ETNPPL: variants seen among roughly 807,000 people sequenced by gnomAD.
ETNPPL encodes the protein ethanolamine-phosphate phospho-lyase.
ETNPPL carries 30 observed loss-of-function variants against 55.5 expected under a neutral mutation model. The observed-to-expected ratio is 0.54, with a 90% confidence interval of 0.40 to 0.73. The LOEUF is 0.73. Among genes scored for constraint, ETNPPL ranks in the 30% least tolerant of loss-of-function variants. The probability of loss-of-function intolerance (pLI) is 0.00; values close to 1 mark genes in which losing one functional copy is unlikely to be tolerated. For synonymous variants in ETNPPL, 202 were observed against 207.2 expected (o/e 0.98, Z 0.21); for missense variants, 528 against 607.9 (o/e 0.87, Z 1.38).
chr4:108,752,550 T>C (rs1286380409), intron 6 of ETNPPL, among the ~76,000 whole-genome samples: 1 of 152,192 alleles, frequency 6.6e-6, no homozygotes, highest in Non-Finnish European at 1.5e-5. Flanking sequence ...GAAATCTGCA[T>C]TGGTCCTCAG....
rs1728881502 is a variant in ETNPPL at position 108,750,938 on chromosome 4, T to C, written c.699A>G (p.Ala233=). The change falls in exon 7 of 13, where the codon GCA becomes GCG. Residue 233 remains alanine, a splice_region_variant and synonymous_variant. Transcript: ENST00000296486. ...IPPAGYFQKV[A]EYVHGAGGVF... ...GGAGGCCCAAGTCAAGTACATACTC[T>C]GCCACTTTCTGGAAGTAGCCTGCTG... 3 of 1,612,006 alleles carry C rather than the reference T, an allele frequency of 1.9e-6. No individual in the cohort carries two copies. The highest frequency in any genetic ancestry group is 1.3e-5 in the African/African-American group (1 of 74,980).
At chr4:108,756,658 T>C (rs974075868) in intron 3 of ETNPPL, among the ~76,000 whole-genome samples, 166 bp from the exon 4 acceptor site, 1 of 152,098 alleles carries the variant, frequency 6.6e-6, no homozygotes, top group Non-Finnish European at 1.5e-5. Context: ...GCAACCCGTC[T>C]CTACTAAAAT....
Position 108,750,621 on chromosome 4 carries a change from A to ATTT in ETNPPL, c.701+314_701+315insAAA, listed in dbSNP as rs1475157103. On this transcript the variant is annotated intron_variant, in intron 7 of 12. Transcript: ENST00000296486. The stretch of plus-strand genomic sequence containing the variant: ...CATATATGATATATATAGGATATAT[A>ATTT]TATATCCTATTAGTTTGGTCCCTCT... 2.6e-4 allele frequency among the ~76,000 whole-genome samples: 38 copies of ATTT among 148,210 alleles called. 1 individual carries two copies. The highest frequency in any genetic ancestry group is 1.1e-3 in the South Asian group (5 of 4,616).
intron 4 of ETNPPL, among the ~76,000 whole-genome samples, chr4:108,755,273 C>T (rs1269559156): frequency 6.6e-6 from 1 of 152,148 alleles, no homozygotes; most frequent in Non-Finnish European, 1.5e-5. Context: ...TGAAACTAGA[C>T]TCCTGCCTTT....
At chr4:108,744,098 T>A (rs913432445) in intron 11 of ETNPPL, among the ~76,000 whole-genome samples, 2 of 152,010 alleles carry the variant, frequency 1.3e-5, no homozygotes, top group African/African-American at 4.8e-5. Context: ...CCGTCTTTAC[T>A]AAAAATACAA....
At chr4:108,752,664 C>T (rs1728968282) in intron 6 of ETNPPL, among the ~76,000 whole-genome samples, 1 of 152,160 alleles carries the variant, frequency 6.6e-6, no homozygotes, top group Non-Finnish European at 1.5e-5. Context: ...ATTAGGCAAC[C>T]AGTTCTGGAA....
chr4:108,749,853 G>T (rs1374500024), intron 7 of ETNPPL, among the ~76,000 whole-genome samples: 1 of 151,964 alleles, frequency 6.6e-6, no homozygotes. Context: ...AACTACAAAC[G>T]TGTGCCACCA....
chr4:108,762,557 C>T (rs1454165154), intron 1 of ETNPPL: 1 of 638,664 alleles, frequency 1.6e-6, no homozygotes, highest in Non-Finnish European at 2.8e-6. Flanking sequence ...TGGCCGTCAT[C>T]CACCAACCCC....
chr4:108,748,977 A>G (rs1185582198), intron 8 of ETNPPL, among the ~76,000 whole-genome samples: 2 of 152,184 alleles, frequency 1.3e-5, no homozygotes, highest in Non-Finnish European at 2.9e-5. Flanking sequence ...ACGGGTTGAT[A>G]GGTGCAGCAA....
intron 11 of ETNPPL, among the ~76,000 whole-genome samples, chr4:108,745,548 C>T (rs187860743): frequency 6.6e-5 from 10 of 151,806 alleles, no homozygotes; most frequent in African/African-American, 2.4e-4. Context: ...GAGCCGAGAT[C>T]CCACCACTGC....
chr4:108,751,044 G>A (rs200060639), intron 6 of ETNPPL, 26 bp from the exon 7 acceptor site: 551 of 1,521,296 alleles, frequency 3.6e-4, no homozygotes, highest in Non-Finnish European at 3.3e-4. Flanking sequence ...TGGTGTCAAA[G>A]TCCATTAGGT....
intron 6 of ETNPPL, 79 bp from the exon 7 acceptor site, chr4:108,751,097 G>C (rs1339238319): frequency 1.5e-5 from 15 of 975,960 alleles, no homozygotes; most frequent in Non-Finnish European, 2.4e-5. Context: ...TATAGAGCAG[G>C]TTATTTTAAA....
Position 108,756,586 on chromosome 4 carries a change from T to C in ETNPPL, c.336-94A>G, listed in dbSNP as rs1729212063. On this transcript the variant is annotated intron_variant, in intron 3 of 12. Coordinates refer to ENST00000296486, the MANE Select transcript of ETNPPL (RefSeq NM_031279.4). ...GCACGGTAGCTCACGCCTGTAATCC[T>C]AGCGCTTTGAGAGGCCAAGGAGGGC... is the stretch of plus-strand genomic sequence containing the variant. 11 of 960,628 alleles carry C rather than the reference T, an allele frequency of 1.1e-5. No homozygotes were observed. The South Asian group carries it at 1.4e-4, about 12-fold the overall frequency. The allele number at this position is 960,628 out of a possible 1,614,324, so 59.5% of individuals were successfully genotyped here.
rs944562793 is a variant in ETNPPL, at chr4:108,748,649, C to A, written c.928-490G>T. 1.8e-4 allele frequency among the ~76,000 whole-genome samples: 27 copies of A among 151,668 alleles called. 1 individual carries two copies. The highest frequency in any genetic ancestry group is 6.5e-4 in the African/African-American group (27 of 41,372). On this transcript the variant is annotated intron_variant, in intron 8 of 12. Transcript: ENST00000296486. ...AAGCTTAAAGCTTATGGGGATAAGT[C>A]AAAAAAATATAATATCCCAAAGATA...
In ETNPPL at chr4:108,746,744, G is replaced by C; in HGVS notation, c.1172+18C>G. 1.2e-6 allele frequency: 2 copies of C among 1,607,458 alleles called. No homozygotes were observed. The highest frequency in any genetic ancestry group is 1.7e-6 in the Non-Finnish European group (2 of 1,174,016). The stretch of plus-strand genomic sequence containing the variant: ...CTGCAGCCAAGATACCAAACAGGTG[G>C]GTGTGGGGGTGAATTACTTGTAGAT... On this transcript the variant is annotated intron_variant, in intron 10 of 12. Coordinates refer to ENST00000296486, the MANE Select transcript of ETNPPL (RefSeq NM_031279.4).
chr4:108,746,320 TC>T, intron 11 of ETNPPL, 78 bp downstream of exon 11: 1 of 1,338,100 alleles, frequency 7.5e-7, no homozygotes, highest in Non-Finnish European at 1.0e-6. Context: ...ATGCATATGC[TC>T]ATTATGACTA....
In ETNPPL at chr4:108,756,409, A is replaced by G. The variant is rs771743269; in HGVS notation, c.410+9T>C. 3 of 1,609,376 alleles carry G rather than the reference A, an allele frequency of 1.9e-6. No individual in the cohort carries two copies. Among genetic ancestry groups the G allele is most frequent in the Non-Finnish European group, 2.6e-6 (3 of 1,175,584 alleles). ...CTTCTTGCTTAAAAATCTTGTGTCCAAGACTTACTGGTCAAGAGTGATCAC... is the reference window on the plus strand; with the variant it reads ...CTTCTTGCTTAAAAATCTTGTGTCCGAGACTTACTGGTCAAGAGTGATCAC... On this transcript the variant is annotated intron_variant, in intron 4 of 12. Transcript: ENST00000296486.
At chr4:108,744,375 T>C (rs1728363152) in intron 11 of ETNPPL, among the ~76,000 whole-genome samples, 1 of 152,190 alleles carries the variant, frequency 6.6e-6, no homozygotes, top group Admixed American at 6.6e-5. Flanking sequence ...TCATTCACTT[T>C]ATTCAAAGGA....
intron 11 of ETNPPL, 40 bp from the exon 12 acceptor site, chr4:108,743,896 T>A: frequency 7.1e-7 from 1 of 1,404,476 alleles, no homozygotes; most frequent in Non-Finnish European, 9.9e-7. Context: ...CAAAATAACA[T>A]AAAAACCTTA....
Sources: gnomAD v4.1 joint callset for allele counts (sites outside exome capture counted in the v4.1 genomes callset) on GRCh38, gnomAD v4.1.1 for gene constraint, MANE v1.5 for transcripts, NCBI Gene and HGNC (gene_info 2026-07-23, HGNC 2026-07-21) for gene names.